The following ARMH4 variants were observed in gnomAD, a reference collection of about 807,000 sequenced individuals.
ARMH4 encodes armadillo like helical domain containing 4.
In ARMH4, 49 loss-of-function variants were observed where a neutral mutation model predicts 61.9. That is an observed-to-expected ratio of 0.79 (90% CI 0.63 to 1.00). The LOEUF (loss-of-function observed/expected upper bound fraction) is 1.00. ARMH4 is among the 50% of genes least tolerant of loss of function. The probability of loss-of-function intolerance (pLI) is 0.00; values close to 1 mark genes in which losing one functional copy is unlikely to be tolerated. For synonymous variants in ARMH4, 368 were observed against 341.5 expected, an observed-to-expected ratio of 1.08 and a Z score of -0.85; for missense variants, 934 against 930.0, an observed-to-expected ratio of 1.00 and a Z score of -0.06.
chr14:58,112,082 CT>C (rs1283777186), intron 4 of ARMH4, among the ~76,000 whole-genome samples: 1 of 152,122 alleles, frequency 6.6e-6, no homozygotes, highest in Non-Finnish European at 1.5e-5. Context: ...CTTACAGACC[CT>C]GTCTCCAAAT....
chr14:58,096,635 A>C, intron 5 of ARMH4, 89 bp downstream of exon 5: 1 of 1,433,870 alleles, frequency 7.0e-7, no homozygotes, highest in South Asian at 1.4e-5. Context: ...ATTTTTCTTT[A>C]CAATAGATGG....
intron 5 of ARMH4, among the ~76,000 whole-genome samples, chr14:58,050,000 C>G (rs568249292): frequency 4.6e-5 from 7 of 152,252 alleles, no homozygotes; most frequent in African/African-American, 1.7e-4. Flanking sequence ...TGGACAGAAG[C>G]ATTTTTGGTC....
Position 58,138,454 on chromosome 14 carries a change from G to A in ARMH4, c.905C>T (p.Thr302Ile), listed in dbSNP as rs1347468952. ...TAAGGCAGAGGCAGCTGGAACAGCT[G>A]TGCTGACACTCACTGTGACTTCTGG... ...GAPEVTVSVS[T>I]AVPAASALSD... Residue 302 changes from threonine to isoleucine, a missense_variant, in exon 2 of 8, where the codon ACA becomes ATA. Thr to Ile is a moderately conservative substitution (Grantham distance 89). Coordinates refer to ENST00000267485, the MANE Select transcript of ARMH4 (RefSeq NM_001001872.4). 1.2e-6 allele frequency: 2 copies of A among 1,614,254 alleles called. No homozygotes were observed. Among genetic ancestry groups the A allele is most frequent in the South Asian group, 1.1e-5 (1 of 91,088 alleles).
chr14:58,095,165 G>A (rs1461856120), intron 5 of ARMH4, among the ~76,000 whole-genome samples: 7 of 152,128 alleles, frequency 4.6e-5, no homozygotes, highest in African/African-American at 1.7e-4. Context: ...CAGGGTAGAT[G>A]CCATATGATG....
At chr14:58,068,692 G>T (rs11628163) in intron 5 of ARMH4, among the ~76,000 whole-genome samples, 65,557 of 151,836 alleles carry the variant, frequency 0.43, 15,465 homozygotes, top group Admixed American at 0.54. Context: ...CCAAAATAAA[G>T]CTATCAACTT....
Position 58,139,238 on chromosome 14 carries a change from G to A in ARMH4, c.121C>T (p.His41Tyr), listed in dbSNP as rs764515259. 2 of 1,614,174 alleles carry A rather than the reference G, an allele frequency of 1.2e-6. No individual in the cohort carries two copies. Among genetic ancestry groups the A allele is most frequent in the African/African-American group, 1.3e-5 (1 of 75,032 alleles). The change falls in exon 2 of 8, where the codon CAT (histidine) becomes TAT (tyrosine). Residue 41 changes from histidine to tyrosine, a missense_variant. By Grantham distance (83) the His-to-Tyr change is moderately conservative. Transcript: ENST00000267485. ...IERRREIAHV[H>Y]AEKGQSDKMN... ...TTATCGGACTGCCCTTTTTCCGCAT[G>A]AACATGTGCTATCTCCCTCCTCCTT...
intron 5 of ARMH4, among the ~76,000 whole-genome samples, chr14:58,064,056 T>C (rs1884621806): frequency 6.6e-6 from 1 of 152,150 alleles, no homozygotes; most frequent in Non-Finnish European, 1.5e-5. Flanking sequence ...TTAGCTATAC[T>C]TACAATATCA....
rs1047319045 is a variant in ARMH4, at chr14:58,036,072, C to A, written c.2090-23922G>T. Reference sequence around the variant, plus strand: ...TTATGAGGCCAGCATCATTCTGATACCAAAGCCGGGCAGAGACACAACCAA... The same window carrying A: ...TTATGAGGCCAGCATCATTCTGATAACAAAGCCGGGCAGAGACACAACCAA... On this transcript the variant is annotated intron_variant, in intron 5 of 7. Transcript: ENST00000267485. Among the ~76,000 whole-genome samples, 16 of 122,062 alleles carry A rather than the reference C, an allele frequency of 1.3e-4. 3 individuals are homozygous for A. Among genetic ancestry groups the A allele is most frequent in the African/African-American group, 3.7e-4 (12 of 32,744 alleles). 80.1% of individuals were successfully genotyped at this position (122,062 alleles called of 152,430 possible). A position where few individuals can be genotyped will look rare whatever the true frequency, so the allele number is the denominator to read the frequency against.
intron 4 of ARMH4, among the ~76,000 whole-genome samples, chr14:58,130,080 A>G (rs761864451): frequency 3.3e-4 from 50 of 152,190 alleles, no homozygotes; most frequent in Non-Finnish European, 1.9e-4. Context: ...TTTTTCTCTG[A>G]TTTAATGAGC....
intron 5 of ARMH4, among the ~76,000 whole-genome samples, chr14:58,082,145 C>T (rs186167727): frequency 1.5e-4 from 23 of 152,304 alleles, no homozygotes; most frequent in Admixed American, 5.9e-4. Flanking sequence ...ACCACTGGGT[C>T]ATGTTGGAAA....
chr14:58,023,370 A>G (rs986505167), intron 5 of ARMH4, among the ~76,000 whole-genome samples: 1 of 152,182 alleles, frequency 6.6e-6, no homozygotes, highest in Admixed American at 6.5e-5. Flanking sequence ...TTCTATCTCA[A>G]GAAACCACTT....
intron 5 of ARMH4, among the ~76,000 whole-genome samples, chr14:58,041,352 T>G (rs1883695664): frequency 1.3e-5 from 2 of 152,080 alleles, no homozygotes; most frequent in Admixed American, 1.3e-4. Context: ...CTAAGCTTCC[T>G]AAGTGAAGGA....
chr14:58,109,668 C>T (rs1043869290), intron 4 of ARMH4, among the ~76,000 whole-genome samples: 6 of 152,196 alleles, frequency 3.9e-5, no homozygotes, highest in African/African-American at 1.4e-4. Context: ...GTTTACTAAG[C>T]TGTTCTGAAT....
At chr14:58,048,540 C>T (rs1029959116) in intron 5 of ARMH4, among the ~76,000 whole-genome samples, 9 of 152,166 alleles carry the variant, frequency 5.9e-5, no homozygotes, top group South Asian at 2.1e-4. Flanking sequence ...AATTGCTGAG[C>T]GTTCACCTTG....
At position 58,001,249 on chromosome 14, in the gene ARMH4, T is replaced by C. The variant is rs1355854720; in HGVS notation, c.*3487A>G. ...GTATATACCACATTTTCTTTATCCA[T>C]TCATCTATTGATAGATATTTGCATA... On this transcript the variant is annotated 3_prime_UTR_variant, in exon 8 of 8. Transcript: ENST00000267485. The C allele has an allele frequency of 1.3e-5, 2 of 152,210 alleles. No individual in the cohort carries two copies. The highest frequency in any genetic ancestry group is 3.9e-4 in the East Asian group (2 of 5,192). 9.4% of individuals were successfully genotyped at this position (152,210 alleles called of 1,614,324 possible).
At chr14:58,008,015 A>C (rs538624521) in intron 6 of ARMH4, among the ~76,000 whole-genome samples, 80 of 152,336 alleles carry the variant, frequency 5.3e-4, no homozygotes, top group African/African-American at 1.9e-3. Flanking sequence ...ATAATCCTAA[A>C]GTGGATTCTG....
intron 5 of ARMH4, among the ~76,000 whole-genome samples, chr14:58,013,803 G>A (rs538839552): frequency 6.6e-6 from 1 of 152,176 alleles, no homozygotes; most frequent in African/African-American, 2.4e-5. Context: ...ACTTGGAGAG[G>A]CAGAGGCAGG....
intron 4 of ARMH4, among the ~76,000 whole-genome samples, chr14:58,126,826 G>A (rs1886910915): frequency 7.0e-6 from 1 of 142,214 alleles, no homozygotes; most frequent in Non-Finnish European, 1.5e-5. Flanking sequence ...TTTTTGAGAT[G>A]GAATCTTGCT....
intron 1 of ARMH4, among the ~76,000 whole-genome samples, chr14:58,142,656 G>A (rs570802837): frequency 2.0e-5 from 3 of 152,000 alleles, no homozygotes; most frequent in Admixed American, 2.0e-4. Context: ...ATTTTTATTA[G>A]AGACGGGGTT....
Sources: gnomAD v4.1 joint callset for allele counts (sites outside exome capture counted in the v4.1 genomes callset) on GRCh38, gnomAD v4.1.1 for gene constraint, MANE v1.5 for transcripts, NCBI Gene and HGNC (gene_info 2026-07-23, HGNC 2026-07-21) for gene names.